Variants in SLC1A7 observed in about 807,000 individuals in gnomAD.
The protein encoded by SLC1A7 is solute carrier family 1 member 7.
A neutral mutation model predicts 47.7 loss-of-function variants in SLC1A7; 40 were observed. The observed-to-expected ratio is 0.84, with a 90% CI of 0.65 to 1.09. The LOEUF (loss-of-function observed/expected upper bound fraction) is 1.09, where lower values mean the gene tolerates loss of function less well. Ranked by LOEUF, SLC1A7 falls within the 50% of genes least tolerant of loss-of-function variation. The probability of loss-of-function intolerance (pLI) is 0.00; values close to 1 mark genes in which losing one functional copy is unlikely to be tolerated. For synonymous variants in SLC1A7, 323 were observed against 325.6 expected, an observed-to-expected ratio of 0.99 and a Z score of 0.09; for missense variants, 746 against 769.5, an observed-to-expected ratio of 0.97 and a Z score of 0.36.
chr1:53,095,896 G>T (rs117006946), intron 5 of SLC1A7, among the ~76,000 whole-genome samples: 1 of 135,764 alleles, frequency 7.4e-6, no homozygotes, highest in Non-Finnish European at 1.6e-5. Flanking sequence ...CATCGCCTCG[G>T]TACACTCACA....
intron 1 of SLC1A7, among the ~76,000 whole-genome samples, chr1:53,137,828 G>A (rs189368094): frequency 1.3e-4 from 20 of 152,280 alleles, no homozygotes; most frequent in Non-Finnish European, 1.5e-4. Context: ...TCCTGCTCCA[G>A]TTTGGACTGA....
At position 53,092,616 on chromosome 1, in the gene SLC1A7, ATTC is replaced by A. The variant is rs1644435971; in HGVS notation, c.966_968del (p.Lys322del). On this transcript the variant is annotated inframe_deletion, in exon 7 of 11. Coordinates refer to ENST00000371494, the MANE Select transcript of SLC1A7 (RefSeq NM_006671.6). ...GGATGCCACGGATGAAGACGATGGG[ATTC>A]TTCTTGGTGATGAAGAAGTAGAGCA... is the stretch of plus-strand genomic sequence containing the variant. The A allele has an allele frequency of 1.2e-6, 2 of 1,614,130 alleles. No homozygotes were observed. The highest frequency in any genetic ancestry group is 2.7e-5 in the African/African-American group (2 of 75,036).
chr1:53,142,559 C>G lies in SLC1A7; in HGVS notation c.-110G>C. ...TCTAGCCCCTCAGCAGGCAGGTGGT[C>G]GGAGTTGCTAAACACCAGTCGCCAG... On this transcript the variant is annotated 5_prime_UTR_variant, in exon 1 of 11. Coordinates refer to ENST00000371494, the MANE Select transcript of SLC1A7 (RefSeq NM_006671.6). 7.6e-7 allele frequency: 1 copy of G among 1,320,156 alleles called. No homozygotes were observed. Among genetic ancestry groups the G allele is most frequent in the Non-Finnish European group, 1.0e-6 (1 of 983,948 alleles). The allele number at this position is 1,320,156 out of a possible 1,614,324, so 81.8% of individuals were successfully genotyped here.
intron 2 of SLC1A7, among the ~76,000 whole-genome samples, chr1:53,121,399 G>A (rs781062600): frequency 1.4e-4 from 22 of 152,230 alleles, no homozygotes; most frequent in Non-Finnish European, 7.3e-5. Context: ...GTGTGACATC[G>A]AGACAGTTGG....
intron 1 of SLC1A7, among the ~76,000 whole-genome samples, chr1:53,136,183 T>TTA (rs1644991677): frequency 6.8e-6 from 1 of 146,894 alleles, no homozygotes; most frequent in South Asian, 2.1e-4. Context: ...ATATATATAA[T>TTA]TATATATTAT....
intron 1 of SLC1A7, among the ~76,000 whole-genome samples, chr1:53,138,651 A>G (rs1052683749): frequency 1.3e-5 from 2 of 151,736 alleles, no homozygotes; most frequent in African/African-American, 4.8e-5. Context: ...TACAGGCATG[A>G]GCCACCAGGC....
intron 3 of SLC1A7, among the ~76,000 whole-genome samples, chr1:53,107,243 G>A (rs1644654265): frequency 6.7e-6 from 1 of 150,274 alleles, no homozygotes; most frequent in African/African-American, 2.5e-5. Flanking sequence ...CTCAGTATAG[G>A]AAATGACTCT....
chr1:53,094,194 G>T (rs1644458088), intron 5 of SLC1A7, among the ~76,000 whole-genome samples: 1 of 152,234 alleles, frequency 6.6e-6, no homozygotes, highest in African/African-American at 2.4e-5. Flanking sequence ...GCGAGAGCAA[G>T]AACTGCATCT....
intron 1 of SLC1A7, among the ~76,000 whole-genome samples, chr1:53,137,780 T>C (rs1645016774): frequency 6.6e-6 from 1 of 152,222 alleles, no homozygotes; most frequent in African/African-American, 2.4e-5. Context: ...AGTTCTCTTT[T>C]ATCCTGCCTG....
intron 2 of SLC1A7, chr1:53,116,091 C>G (rs935973824): frequency 5.3e-5 from 8 of 152,316 alleles, no homozygotes; most frequent in African/African-American, 1.9e-4. Flanking sequence ...AATCCCCAGC[C>G]ACGCTCCTCT....
rs150952807 is a variant in SLC1A7, at chr1:53,105,860, C to T, written c.432-86G>A. 2.2e-3 allele frequency: 2,393 copies of T among 1,096,416 alleles called. 7 individuals are homozygous for T. Among genetic ancestry groups the T allele is most frequent in the Middle Eastern group, 4.9e-3 (25 of 5,078 alleles). 67.9% of individuals were successfully genotyped at this position (1,096,416 alleles called of 1,614,324 possible). A position where few individuals can be genotyped will look rare whatever the true frequency, so the allele number is the denominator to read the frequency against. On this transcript the variant is annotated intron_variant, in intron 3 of 10. Transcript: ENST00000371494. The stretch of plus-strand genomic sequence containing the variant: ...TGTGGCCTTGGGGTCATCTGGACAT[C>T]TCCTTTGGTGGTCGGGCCTTCCTCA...
chr1:53,111,527 G>A, intron 3 of SLC1A7, among the ~76,000 whole-genome samples: 1 of 152,190 alleles, frequency 6.6e-6, no homozygotes, highest in East Asian at 1.9e-4. Flanking sequence ...AATGGCGGGA[G>A]TGGCAGGGGA....
intron 2 of SLC1A7, among the ~76,000 whole-genome samples, chr1:53,119,957 G>A (rs1644801763): frequency 6.6e-6 from 1 of 152,206 alleles, no homozygotes; most frequent in African/African-American, 2.4e-5. Flanking sequence ...AGCACCTGCG[G>A]TGTTTGAGGG....
chr1:53,106,554 C>A (rs1399239763), intron 3 of SLC1A7, among the ~76,000 whole-genome samples: 2 of 150,524 alleles, frequency 1.3e-5, no homozygotes, highest in Non-Finnish European at 3.0e-5. Flanking sequence ...GAGCCGAGAT[C>A]GCGCCACTGC....
At chr1:53,136,560 T>TATAATATATAAACATATATA (rs1644997541) in intron 1 of SLC1A7, among the ~76,000 whole-genome samples, 1 of 80,508 alleles carries the variant, frequency 1.2e-5, no homozygotes, top group African/African-American at 4.6e-5. Flanking sequence ...TATATAAACA[T>TATAATATATAAACATATATA]ATATATAAAC....
chr1:53,105,477 A>T (rs1464003621), intron 4 of SLC1A7, among the ~76,000 whole-genome samples: 2 of 152,184 alleles, frequency 1.3e-5, no homozygotes, highest in Non-Finnish European at 2.9e-5. Flanking sequence ...GAAGCAGAGC[A>T]GGCACTCAGT....
intron 2 of SLC1A7, among the ~76,000 whole-genome samples, chr1:53,127,899 C>T (rs545212572): frequency 2.0e-4 from 30 of 152,300 alleles, no homozygotes; most frequent in Non-Finnish European, 3.5e-4. Context: ...CAGAGCCCAG[C>T]GGACACCTGG....
At chr1:53,140,546 A>C (rs1645047099) in intron 1 of SLC1A7, among the ~76,000 whole-genome samples, 1 of 152,148 alleles carries the variant, frequency 6.6e-6, no homozygotes, top group Admixed American at 6.5e-5. Flanking sequence ...ACCAGCTCTG[A>C]AGCCAGGCAG....
At chr1:53,118,013 A>G (rs1019925575) in intron 2 of SLC1A7, among the ~76,000 whole-genome samples, 1 of 152,236 alleles carries the variant, frequency 6.6e-6, no homozygotes, top group African/African-American at 2.4e-5. Flanking sequence ...GACAGCTGGC[A>G]GCACAGGCCA....
Sources: allele counts gnomAD v4.1 joint callset (sites outside exome capture counted in the v4.1 genomes callset), GRCh38; gene constraint gnomAD v4.1.1; transcripts MANE v1.5; gene names NCBI Gene and HGNC (gene_info 2026-07-23, HGNC 2026-07-21).